CDHR5: variants seen among roughly 807,000 people sequenced by gnomAD.
CDHR5 encodes the protein cadherin related family member 5, also known as cadherin-related family member 5.
Under a neutral mutation model 69.5 loss-of-function variants are expected in CDHR5, and 82 were observed. That is an observed-to-expected ratio of 1.18 (90% CI 0.99 to 1.42). The LOEUF is 1.42. CDHR5 is among the 40% of genes most tolerant of loss of function. The pLI, the probability that CDHR5 is intolerant of heterozygous loss-of-function variation, is 0.00. For missense variants in CDHR5, 1,293 were observed against 1,168.9 expected (o/e 1.11, Z -1.55); for synonymous variants, 601 against 510.2 (o/e 1.18, Z -2.40).
rs745734208 is a variant in CDHR5 at position 621,327 on chromosome 11, CT to C, written c.618+17del. The C allele has an allele frequency of 6.2e-7, 1 of 1,612,048 alleles. No individual in the cohort carries two copies. The highest frequency in any genetic ancestry group is 1.3e-5 in the African/African-American group (1 of 74,784). On this transcript the variant is annotated intron_variant, in intron 6 of 14. Transcript: ENST00000397542. The surrounding 1 kb of genome is among the most constrained non-coding windows in gnomAD (Gnocchi z 4.4). ...GGCCTCAAGTGTGTGGGACTCGGGG[CT>C]GGGGTGACCTGCTCACCCGCACCAG...
Position 617,498 on chromosome 11 carries a change from G to A in CDHR5, c.2391C>T (p.Ile797=), listed in dbSNP as rs766123915. The A allele has an allele frequency of 8.7e-6, 14 of 1,612,584 alleles. No individual in the cohort carries two copies. Among genetic ancestry groups the A allele is most frequent in the Admixed American group, 8.3e-5 (5 of 60,010 alleles). Residue 797 remains isoleucine, a synonymous_variant, in exon 15 of 15, where the codon ATC becomes ATT. Coordinates refer to ENST00000397542, the MANE Select transcript of CDHR5 (RefSeq NM_021924.5). ...GYKAVWFGED[I]GTEADVVVLN... ...GAACGACCACGTCTGCCTCCGTCCC[G>A]ATGTCCTCGCCAAACCAGACAGCCT...
In CDHR5 at chr11:618,930, T is replaced by TG. The variant is rs1381755072; in HGVS notation, c.1628dup (p.Pro545AlafsTer170). ...GCATCGGCTGAGAGGTTCCTGGCTTTGGGGTCTGTGCTGTGTCCCCACCGG... is the reference window on the plus strand; with the variant it reads ...GCATCGGCTGAGAGGTTCCTGGCTTTGGGGGTCTGTGCTGTGTCCCCACCGG... On this transcript the variant is annotated frameshift_variant, in exon 13 of 15. Transcript: ENST00000397542. LOFTEE classifies it high-confidence loss of function. 6.2e-7 allele frequency: 1 copy of TG among 1,611,500 alleles called. No homozygotes were observed. Among genetic ancestry groups the TG allele is most frequent in the African/African-American group, 1.3e-5 (1 of 74,650 alleles).
rs762792421 is a variant in CDHR5 at position 621,609 on chromosome 11, G to T, written c.460C>A (p.Arg154Ser). 1.9e-6 allele frequency: 3 copies of T among 1,613,630 alleles called. No homozygotes were observed. The highest frequency in any genetic ancestry group is 1.7e-5 in the Admixed American group (1 of 59,992). Residue 154 changes from arginine (R) to serine (S), a missense_variant, in exon 5 of 15, where the codon CGC becomes AGC. Arg to Ser is a moderately radical substitution (Grantham distance 110). Coordinates refer to ENST00000397542, the MANE Select transcript of CDHR5 (RefSeq NM_021924.5). The surrounding 1 kb of genome is among the most constrained non-coding windows in gnomAD (Gnocchi z 4.4). ...TAGAACAGAATGTCGTCCTTGTCGC[G>T]GTCCTCAGCCTGCAGTTGCGTCTCG... is the stretch of plus-strand genomic sequence containing the variant. ...IPETQLQAED[R>S]DKDDILFYTL... is the part of the protein sequence containing the mutation.
In CDHR5 at chr11:620,288, C is replaced by T; in HGVS notation, c.880+8G>A. On this transcript the variant is annotated splice_region_variant and intron_variant, in intron 8 of 14. Coordinates refer to ENST00000397542, the MANE Select transcript of CDHR5 (RefSeq NM_021924.5). Reference sequence around the variant, plus strand: ...ACAGGGCATTGTTGAGGGCTGGGCCCCACTCACCCCTAAAGATGCTGTAGA... The same window carrying T: ...ACAGGGCATTGTTGAGGGCTGGGCCTCACTCACCCCTAAAGATGCTGTAGA... The T allele has an allele frequency of 6.2e-7, 1 of 1,606,734 alleles. No homozygotes were observed. Among genetic ancestry groups the T allele is most frequent in the African/African-American group, 1.3e-5 (1 of 74,928 alleles).
rs371415796 is a variant in CDHR5, at chr11:621,419, G to T, written c.544C>A (p.Arg182Ser). 6.2e-7 allele frequency: 1 copy of T among 1,612,702 alleles called. No homozygotes were observed. ...GGCCGGTCCAGCCTCAGGGCGGGAC[G>T]GTTTACACTCACCAGGGAGAAGTAG... ...SDYFSLVSVN[R>S]PALRLDRPLD... Residue 182 changes from arginine (R) to serine (S), a missense_variant, in exon 6 of 15, where the codon CGT becomes AGT. By Grantham distance (110) the Arg-to-Ser change is moderately radical. Coordinates refer to ENST00000397542, the MANE Select transcript of CDHR5 (RefSeq NM_021924.5). The surrounding 1 kb of genome is among the most constrained non-coding windows in gnomAD (Gnocchi z 4.4).
rs1369284905 is a variant in CDHR5 at position 622,901 on chromosome 11, T to C, written c.313-997A>G. ...TCTCTGAAGGGTTTTTTAACAATTG[T>C]TTGTTTGAATCAGGGCCCACATTAT... On this transcript the variant is annotated intron_variant, in intron 3 of 14. Coordinates refer to ENST00000397542, the MANE Select transcript of CDHR5 (RefSeq NM_021924.5). Among the ~76,000 whole-genome samples, 6 of 152,194 alleles carry C rather than the reference T, an allele frequency of 3.9e-5. No individual in the cohort carries two copies. The East Asian group carries it at 9.6e-4, about 24-fold the overall frequency.
rs1564896170 is a variant in CDHR5, at chr11:619,759, A to AGCGCCAC, written c.1094_1100dup (p.Gly368TrpfsTer68). On this transcript the variant is annotated frameshift_variant, in exon 10 of 15. Transcript: ENST00000397542. LOFTEE classifies it high-confidence loss of function. ...CATCCTTGACCACAACGCCCGCTCC[A>AGCGCCAC]GCGCCACGCGCCACGGTGCCACGAT... is the stretch of plus-strand genomic sequence containing the variant. 1.2e-6 allele frequency: 2 copies of AGCGCCAC among 1,611,544 alleles called. No homozygotes were observed. The highest frequency in any genetic ancestry group is 1.1e-5 in the South Asian group (1 of 91,072).
rs778910084 is a variant in CDHR5, at chr11:618,052, C to A, written c.2020G>T (p.Val674Leu). 8 of 1,612,354 alleles carry A rather than the reference C, an allele frequency of 5.0e-6. No homozygotes were observed. The highest frequency in any genetic ancestry group is 5.9e-6 in the Non-Finnish European group (7 of 1,179,654). Residue 674 changes from valine (V) to leucine (L), a missense_variant, in exon 14 of 15, where the codon GTG becomes TTG. Transcript: ENST00000397542. The part of the protein sequence containing the change: ...SVVDMAALGG[V>L]LGALLLLALL... The stretch of plus-strand genomic sequence containing the variant: ...GCCAGCAGCAGCAGCGCACCCAGCA[C>A]CCCGCCCAGGGCCGCCATATCCACC...
chr11:623,328 T>A (rs1232987175), intron 3 of CDHR5, among the ~76,000 whole-genome samples: 1 of 152,114 alleles, frequency 6.6e-6, no homozygotes, highest in Non-Finnish European at 1.5e-5. Flanking sequence ...TCTCTCTCTT[T>A]CAGAGACATA....
Position 617,328 on chromosome 11 carries a change from G to A in CDHR5, c.*23C>T. 6.4e-7 allele frequency: 1 copy of A among 1,553,900 alleles called. No individual in the cohort carries two copies. The highest frequency in any genetic ancestry group is 8.8e-7 in the Non-Finnish European group (1 of 1,135,498). On this transcript the variant is annotated 3_prime_UTR_variant, in exon 15 of 15. Transcript: ENST00000397542. ...CGAGACCTCCAGTGCCCGTGCGGCT[G>A]GGGGAGAGGGTGGAGGGGCCACTTA...
In CDHR5 at chr11:624,505, G is replaced by T; in HGVS notation, c.261+52C>A. The T allele has an allele frequency of 6.4e-7, 1 of 1,562,566 alleles. No individual in the cohort carries two copies. Among genetic ancestry groups the T allele is most frequent in the Non-Finnish European group, 8.8e-7 (1 of 1,134,456 alleles). ...CCCAAGGGAGGTGTGGCCTGAGGAT[G>T]CAGGTGCCCTTCTCCCGGGACCCCC... On this transcript the variant is annotated intron_variant, in intron 2 of 14. Coordinates refer to ENST00000397542, the MANE Select transcript of CDHR5 (RefSeq NM_021924.5). This position sits in a 1 kb window ranked among gnomAD's most constrained non-coding sequence, Gnocchi z 5.3.
rs1335131790 is a variant in CDHR5 at position 618,232 on chromosome 11, A to C, written c.1961-121T>G. 4 of 824,452 alleles carry C rather than the reference A, an allele frequency of 4.9e-6. No homozygotes were observed. In the East Asian group the frequency reaches 1.1e-4, roughly 22 times the overall value. The allele number at this position is 824,452 out of a possible 1,614,324, so 51.1% of individuals were successfully genotyped here. A position where few individuals can be genotyped will look rare whatever the true frequency, so the allele number is the denominator to read the frequency against. On this transcript the variant is annotated intron_variant, in intron 13 of 14. Transcript: ENST00000397542. ...CCACCCAGGCCTGGGCTGTCTCCCA[A>C]ATCTCAGGCTCTGCTGACCCTGGCT...
chr11:621,740 C>A lies in CDHR5; in HGVS notation c.405+72G>T. On this transcript the variant is annotated intron_variant, in intron 4 of 14. Coordinates refer to ENST00000397542, the MANE Select transcript of CDHR5 (RefSeq NM_021924.5). The surrounding 1 kb of genome is among the most constrained non-coding windows in gnomAD (Gnocchi z 4.4). ...CCCACTGTGGTTGAGCCCCCGGCCACCACTCACCTCCTGCCCTCACCCTGG... is the reference window on the plus strand; with the variant it reads ...CCCACTGTGGTTGAGCCCCCGGCCAACACTCACCTCCTGCCCTCACCCTGG... The A allele has an allele frequency of 6.4e-7, 1 of 1,556,740 alleles. No homozygotes were observed. Among genetic ancestry groups the A allele is most frequent in the Non-Finnish European group, 8.9e-7 (1 of 1,129,322 alleles).
intron 7 of CDHR5, 101 bp downstream of exon 7, chr11:620,979 C>T (rs1857339306): frequency 1.3e-6 from 1 of 792,078 alleles, no homozygotes; most frequent in Admixed American, 3.3e-5. Context: ...GGCCCCACCC[C>T]CTGACCCCGA....
At chr11:620,982 G>GA in intron 7 of CDHR5, 98 bp downstream of exon 7, 2 of 682,272 alleles carry the variant, frequency 2.9e-6, no homozygotes, top group East Asian at 3.0e-5. Flanking sequence ...CCCACCCCCT[G>GA]ACCCCGACCC....
chr11:619,883 T>C lies in CDHR5; in HGVS notation c.979-2A>G. The stretch of plus-strand genomic sequence containing the variant: ...GCGGGCAAGGTCGGCCTGTTGGCCC[T>C]GGAGGCGGGGGAGGCAGCAGTGACT... On this transcript the variant is annotated splice_acceptor_variant, in intron 9 of 14. Coordinates refer to ENST00000397542, the MANE Select transcript of CDHR5 (RefSeq NM_021924.5). LOFTEE classifies it high-confidence loss of function. 1 of 1,538,124 alleles carries C rather than the reference T, an allele frequency of 6.5e-7. No individual in the cohort carries two copies. Among genetic ancestry groups the C allele is most frequent in the East Asian group, 2.4e-5 (1 of 41,168 alleles).
In CDHR5 at chr11:619,530, C is replaced by T. The variant is rs776958100; in HGVS notation, c.1237G>A (p.Gly413Arg). ...GTGGTGGTGGTCAGCACAACCTCTC[C>T]CTCCATCCGGAAGTGTGAGTGGTTG... ...ITNHSHFRME[G>R]EVVLTTTTLA... The change falls in exon 11 of 15, where the codon GGA (glycine) becomes AGA (arginine). Residue 413 changes from glycine (G) to arginine (R), a missense_variant. Transcript: ENST00000397542. The T allele has an allele frequency of 9.9e-6, 16 of 1,613,900 alleles. No homozygotes were observed. The highest frequency in any genetic ancestry group is 2.2e-5 in the East Asian group (1 of 44,884).
At position 621,030 on chromosome 11, in the gene CDHR5, A is replaced by T. The variant is rs112725555; in HGVS notation, c.789+50T>A. 0.043 allele frequency: 56,641 copies of T among 1,329,160 alleles called. 1,426 individuals are homozygous for T. Among genetic ancestry groups the T allele is most frequent in the Middle Eastern group, 0.14 (688 of 5,056 alleles). The allele number at this position is 1,329,160 out of a possible 1,614,324, so 82.3% of individuals were successfully genotyped here. On this transcript the variant is annotated intron_variant, in intron 7 of 14. Coordinates refer to ENST00000397542, the MANE Select transcript of CDHR5 (RefSeq NM_021924.5). This position sits in a 1 kb window ranked among gnomAD's most constrained non-coding sequence, Gnocchi z 4.4. ...CCTGATCCTGGCCGTCCCTGTGTCC[A>T]GCCTGCCTAGAAGGCCCTGCCCCGT...
At position 621,999 on chromosome 11, in the gene CDHR5, C is replaced by T. The variant is rs982408906; in HGVS notation, c.313-95G>A. The T allele has an allele frequency of 2.4e-5, 23 of 943,484 alleles. No individual in the cohort carries two copies. Among genetic ancestry groups the T allele is most frequent in the Non-Finnish European group, 3.5e-5 (22 of 620,452 alleles). 58.4% of individuals were successfully genotyped at this position (943,484 alleles called of 1,614,324 possible). ...CCGTCCCCACCGTGAGTGAGGTGCA[C>T]CCCTCAACGGCCACCTGTCCCCGCC... On this transcript the variant is annotated intron_variant, in intron 3 of 14. Transcript: ENST00000397542. The surrounding 1 kb of genome is among the most constrained non-coding windows in gnomAD (Gnocchi z 4.4).
Sources: allele counts gnomAD v4.1 joint callset (sites outside exome capture counted in the v4.1 genomes callset), GRCh38; gene constraint gnomAD v4.1.1; non-coding constraint Gnocchi (gnomAD v3.1); transcripts MANE v1.5; gene names NCBI Gene and HGNC (gene_info 2026-07-23, HGNC 2026-07-21).